Variants in DLGAP4 observed in about 807,000 individuals in gnomAD.
DLGAP4 encodes DLG associated protein 4.
A neutral mutation model predicts 86.9 loss-of-function variants in DLGAP4; 18 were observed. The ratio of observed to expected loss-of-function variants is 0.21; its 90% CI spans 0.14 to 0.31. The LOEUF (loss-of-function observed/expected upper bound fraction) is 0.31. DLGAP4 is among the 10% of genes least tolerant of loss of function. The probability of loss-of-function intolerance (pLI) is 1.00; values close to 1 mark genes in which losing one functional copy is unlikely to be tolerated. For missense variants in DLGAP4, 1,085 were observed against 1,362.6 expected (o/e 0.80, Z 3.21); for synonymous variants, 548 against 574.3 (o/e 0.95, Z 0.65).
chr20:36,511,489 C>T (rs1160080200), intron 10 of DLGAP4, among the ~76,000 whole-genome samples: 2 of 152,156 alleles, frequency 1.3e-5, no homozygotes, highest in African/African-American at 4.8e-5. Flanking sequence ...CACCCATGAG[C>T]CACTGCACCT....
Position 36,392,267 on chromosome 20 carries a change from G to A in DLGAP4, c.-73+24992G>A, listed in dbSNP as rs184043894. Among the ~76,000 whole-genome samples the A allele has an allele frequency of 2.1e-4, 32 of 152,336 alleles. 1 individual carries two copies. Among genetic ancestry groups the A allele is most frequent in the Middle Eastern group, 6.8e-3 (2 of 294 alleles). ...GAAATCTGGAATTCAGCTCAAATGCGTTGAGTCTCAGATGTCTGGCCAGCA... is the reference window on the plus strand; with the variant it reads ...GAAATCTGGAATTCAGCTCAAATGCATTGAGTCTCAGATGTCTGGCCAGCA... On this transcript the variant is annotated intron_variant, in intron 2 of 12. Transcript: ENST00000339266.
In DLGAP4 at chr20:36,432,728, G is replaced by A; in HGVS notation, c.999+12G>A. ...ACCATTACCTGCAGGTGGGTCTCTGGCAGGGTCAGGGGTGGGATGAGGGCT... is the reference window on the plus strand; with the variant it reads ...ACCATTACCTGCAGGTGGGTCTCTGACAGGGTCAGGGGTGGGATGAGGGCT... On this transcript the variant is annotated intron_variant, in intron 3 of 12. Coordinates refer to ENST00000339266, the MANE Select transcript of DLGAP4 (RefSeq NM_001365621.2). This position sits in a 1 kb window ranked among gnomAD's most constrained non-coding sequence, Gnocchi z 6.5. 6.2e-7 allele frequency: 1 copy of A among 1,611,426 alleles called. No homozygotes were observed.
At chr20:36,386,998 C>T (rs1292309582) in intron 2 of DLGAP4, among the ~76,000 whole-genome samples, 2 of 152,200 alleles carry the variant, frequency 1.3e-5, no homozygotes, top group Non-Finnish European at 2.9e-5. Context: ...ATCCTCCTGC[C>T]GGTGGATATT....
At chr20:36,482,430 C>A (rs1027229553) in intron 7 of DLGAP4, among the ~76,000 whole-genome samples, 1 of 152,154 alleles carries the variant, frequency 6.6e-6, no homozygotes, top group African/African-American at 2.4e-5. Flanking sequence ...GAGGCTCTTT[C>A]CAAGTAATAC....
At chr20:36,470,502 T>A (rs150358025) in intron 7 of DLGAP4, among the ~76,000 whole-genome samples, 1 of 152,206 alleles carries the variant, frequency 6.6e-6, no homozygotes, top group East Asian at 1.9e-4. Context: ...GGAGGTTTTT[T>A]TTGTGTGTAA....
chr20:36,503,724 A>G (rs956568469), intron 10 of DLGAP4, among the ~76,000 whole-genome samples: 2 of 151,904 alleles, frequency 1.3e-5, no homozygotes, highest in African/African-American at 4.8e-5. Context: ...TCCTGACCTC[A>G]TGATCCGCCC....
At chr20:36,473,240 A>G (rs185194920) in intron 7 of DLGAP4, 5 of 152,250 alleles carry the variant, frequency 3.3e-5, no homozygotes, top group Admixed American at 3.3e-4. Context: ...GCACTTACTT[A>G]CCTCCTATAG....
At chr20:36,420,573 C>T (rs891674095) in intron 2 of DLGAP4, among the ~76,000 whole-genome samples, 1 of 152,164 alleles carries the variant, frequency 6.6e-6, no homozygotes, top group African/African-American at 2.4e-5. Context: ...CGCAGTGACC[C>T]ACACCTGTAA....
chr20:36,394,249 C>T lies in DLGAP4; in HGVS notation c.-73+26974C>T, dbSNP rs551912428. Among the ~76,000 whole-genome samples the T allele has an allele frequency of 7.2e-4, 109 of 152,286 alleles. No individual in the cohort carries two copies. The South Asian group carries it at 0.015, about 20-fold the overall frequency. On this transcript the variant is annotated intron_variant, in intron 2 of 12. Coordinates refer to ENST00000339266, the MANE Select transcript of DLGAP4 (RefSeq NM_001365621.2). ...GGGGCTGCTGTCACCGTTATCCGCC[C>T]GTGTGGTTAGATGTTTATGATCTCC...
intron 2 of DLGAP4, among the ~76,000 whole-genome samples, chr20:36,419,564 A>G (rs928270579): frequency 2.6e-5 from 4 of 152,208 alleles, no homozygotes; most frequent in Non-Finnish European, 4.4e-5. Flanking sequence ...GATGCAGTCA[A>G]GTTGTCAGCT....
intron 2 of DLGAP4, among the ~76,000 whole-genome samples, chr20:36,378,419 G>A (rs2147438371): frequency 6.6e-6 from 1 of 152,298 alleles, no homozygotes; most frequent in South Asian, 2.1e-4. Context: ...ACAGCGCCTA[G>A]CACTTAATAT....
intron 7 of DLGAP4, chr20:36,461,814 C>G (rs2034090074): frequency 2.0e-6 from 2 of 980,950 alleles, no homozygotes; most frequent in South Asian, 4.6e-5. Context: ...GCCCGTGTCC[C>G]CGCTCCGCCC....
At chr20:36,353,969 C>G (rs529031142) in intron 1 of DLGAP4, among the ~76,000 whole-genome samples, 11 of 152,356 alleles carry the variant, frequency 7.2e-5, no homozygotes, top group African/African-American at 2.4e-4. Context: ...GGGTTTGCAT[C>G]CAGGTCAGCT....
chr20:36,458,648 G>A (rs935584985), intron 7 of DLGAP4, among the ~76,000 whole-genome samples: 1 of 151,956 alleles, frequency 6.6e-6, no homozygotes, highest in Non-Finnish European at 1.5e-5. Flanking sequence ...GCAGTGAGCC[G>A]AGATTGCGCC....
intron 1 of DLGAP4, among the ~76,000 whole-genome samples, chr20:36,329,026 G>C (rs1455485274): frequency 6.6e-6 from 1 of 152,096 alleles, no homozygotes; most frequent in East Asian, 1.9e-4. Context: ...TGCCTGACTT[G>C]GTCTCCCAAA....
At chr20:36,341,827 T>C (rs1271540168) in intron 1 of DLGAP4, among the ~76,000 whole-genome samples, 1 of 152,216 alleles carries the variant, frequency 6.6e-6, no homozygotes, top group Non-Finnish European at 1.5e-5. Flanking sequence ...GCTTCCGCTC[T>C]CCAGCATTTT....
chr20:36,400,765 A>G (rs2032134347), intron 2 of DLGAP4, among the ~76,000 whole-genome samples: 1 of 150,706 alleles, frequency 6.6e-6, no homozygotes, highest in African/African-American at 2.4e-5. Flanking sequence ...AGTGGGGGGA[A>G]TCTGGGGGCA....
chr20:36,398,629 G>A (rs2032067295), intron 2 of DLGAP4, among the ~76,000 whole-genome samples: 1 of 152,226 alleles, frequency 6.6e-6, no homozygotes, highest in African/African-American at 2.4e-5. Flanking sequence ...AATGTTCTAT[G>A]TGATTGCCTC....
chr20:36,490,189 A>C (rs1285916344), intron 7 of DLGAP4, among the ~76,000 whole-genome samples: 1 of 151,998 alleles, frequency 6.6e-6, no homozygotes, highest in African/African-American at 2.4e-5. Flanking sequence ...ACAGTGAGGG[A>C]GGTGGCTCTC....
Sources: allele counts gnomAD v4.1 joint callset (sites outside exome capture counted in the v4.1 genomes callset), GRCh38; gene constraint gnomAD v4.1.1; non-coding constraint Gnocchi (gnomAD v3.1); transcripts MANE v1.5; gene names NCBI Gene and HGNC (gene_info 2026-07-23, HGNC 2026-07-21).